SRGAP2: variants seen among roughly 807,000 people sequenced by gnomAD.
SRGAP2 encodes the protein SLIT-ROBO Rho GTPase-activating protein 2.
A neutral mutation model predicts 57.2 loss-of-function variants in SRGAP2; 15 were observed. That is an observed-to-expected ratio of 0.26 (90% CI 0.18 to 0.40). The LOEUF (loss-of-function observed/expected upper bound fraction) is 0.40, where lower values mean the gene tolerates loss of function less well. Ranked by LOEUF, SRGAP2 falls within the 10% of genes least tolerant of loss-of-function variation. The pLI is 1.00. For missense variants in SRGAP2, 520 were observed against 669.6 expected, an observed-to-expected ratio of 0.78 and a Z score of 2.47; for synonymous variants, 249 against 248.0, an observed-to-expected ratio of 1.00 and a Z score of -0.04.
chr1:206,310,875 C>T (rs1672591230), intron 3 of SRGAP2, among the ~76,000 whole-genome samples: 1 of 149,466 alleles, frequency 6.7e-6, no homozygotes, highest in Admixed American at 6.7e-5. Flanking sequence ...TAATAGACCC[C>T]AAGTAATAAT....
chr1:206,315,387 C>T (rs1182480274), intron 3 of SRGAP2, among the ~76,000 whole-genome samples: 9 of 148,412 alleles, frequency 6.1e-5, no homozygotes, highest in Admixed American at 2.7e-4. Flanking sequence ...CAGTGCGTCA[C>T]TCACTCATTT....
At chr1:206,450,327 G>T (rs960782533) in intron 18 of SRGAP2, 59 bp from the exon 19 acceptor site, 105 of 768,134 alleles carry the variant, frequency 1.4e-4, no homozygotes, top group Admixed American at 3.3e-4. Flanking sequence ...GTATGAAGGG[G>T]AAGACAAGAA....
At chr1:206,412,414 T>C (rs1329674357) in intron 10 of SRGAP2, among the ~76,000 whole-genome samples, 1 of 152,242 alleles carries the variant, frequency 6.6e-6, no homozygotes, top group Non-Finnish European at 1.5e-5. Flanking sequence ...AGACTGTGTT[T>C]TAGGAACTTG....
At chr1:206,420,542 A>G (rs1660203223) in intron 12 of SRGAP2, among the ~76,000 whole-genome samples, 2 of 152,106 alleles carry the variant, frequency 1.3e-5, no homozygotes, top group Non-Finnish European at 1.5e-5. Flanking sequence ...ACTAGATTCA[A>G]GGTGTCGTAG....
intron 13 of SRGAP2, among the ~76,000 whole-genome samples, chr1:206,427,680 A>G (rs1199112421): frequency 6.6e-6 from 1 of 152,210 alleles, no homozygotes; most frequent in South Asian, 2.1e-4. Flanking sequence ...CAGAAGCTAC[A>G]CAGACCCATC....
At chr1:206,305,922 G>A (rs1470735154) in intron 3 of SRGAP2, among the ~76,000 whole-genome samples, 1 of 151,726 alleles carries the variant, frequency 6.6e-6, no homozygotes, top group East Asian at 1.9e-4. Flanking sequence ...TTCTCTTTAT[G>A]ATAAGAGAAT....
intron 11 of SRGAP2, among the ~76,000 whole-genome samples, chr1:206,418,728 A>C (rs1255896362): frequency 6.6e-6 from 1 of 152,194 alleles, no homozygotes; most frequent in Non-Finnish European, 1.5e-5. Context: ...ATTGAGAACC[A>C]TGATTTGCTA....
At chr1:206,292,238 G>T (rs1671371108) in intron 2 of SRGAP2, among the ~76,000 whole-genome samples, 1 of 152,148 alleles carries the variant, frequency 6.6e-6, no homozygotes, top group South Asian at 2.1e-4. Context: ...ATCTCCTGTA[G>T]GTCAAAGTTT....
At chr1:206,263,746 A>G (rs565207076) in intron 2 of SRGAP2, among the ~76,000 whole-genome samples, 56 of 152,364 alleles carry the variant, frequency 3.7e-4, no homozygotes, top group Admixed American at 5.2e-4. Context: ...TCTCTTCTCT[A>G]ATGGAGATTA....
At chr1:206,252,323 AAGCAAAAAGATATT>A (rs1460133098) in intron 2 of SRGAP2, among the ~76,000 whole-genome samples, 4 of 151,988 alleles carry the variant, frequency 2.6e-5, no homozygotes, top group Non-Finnish European at 5.9e-5. Context: ...CCTTAGACGC[AAGCAAAAAGATATT>A]AGCGCAGCTT....
At chr1:206,439,942 A>G (rs781871798) in intron 16 of SRGAP2, 34 bp from the exon 17 acceptor site, 6 of 777,388 alleles carry the variant, frequency 7.7e-6, no homozygotes, top group Admixed American at 3.4e-5. Flanking sequence ...TCCCAGTCAT[A>G]GTGGAGGATA....
At chr1:206,415,415 A>G (rs554869067) in intron 10 of SRGAP2, among the ~76,000 whole-genome samples, 9 of 152,354 alleles carry the variant, frequency 5.9e-5, no homozygotes, top group African/African-American at 1.9e-4. Context: ...AAGATGCTCC[A>G]CATCCTGGGC....
At chr1:206,412,961 T>G (rs1230810296) in intron 10 of SRGAP2, among the ~76,000 whole-genome samples, 1 of 152,200 alleles carries the variant, frequency 6.6e-6, no homozygotes, top group African/African-American at 2.4e-5. Flanking sequence ...AGTTCATACC[T>G]TGACACAGTT....
chr1:206,300,959 C>T (rs1671838437), intron 2 of SRGAP2, among the ~76,000 whole-genome samples: 1 of 152,188 alleles, frequency 6.6e-6, no homozygotes, highest in South Asian at 2.1e-4. Flanking sequence ...TACTGCCCAT[C>T]CATATCCCCT....
chr1:206,335,588 A>G (rs1292087464), intron 3 of SRGAP2, among the ~76,000 whole-genome samples: 1 of 152,214 alleles, frequency 6.6e-6, no homozygotes, highest in Non-Finnish European at 1.5e-5. Context: ...TGATCCTGTT[A>G]TTCCTAGAAT....
intron 13 of SRGAP2, 146 bp downstream of exon 13, chr1:206,421,420 A>G: frequency 2.1e-6 from 1 of 487,642 alleles, no homozygotes; most frequent in Non-Finnish European, 3.7e-6. Context: ...AGTATGTTTA[A>G]TATGGTGGCA....
intron 3 of SRGAP2, among the ~76,000 whole-genome samples, chr1:206,306,772 G>C (rs1174768610): frequency 6.6e-6 from 1 of 152,200 alleles, no homozygotes; most frequent in African/African-American, 2.4e-5. Context: ...CACCAGAGCA[G>C]CTAGATACAG....
chr1:206,209,912 A>G (rs1666202634), intron 2 of SRGAP2, among the ~76,000 whole-genome samples: 1 of 110,528 alleles, frequency 9.0e-6, no homozygotes, highest in Admixed American at 8.1e-5. Flanking sequence ...AATTTGTATT[A>G]TTTTAAATTG....
chr1:206,291,725 T>C (rs1367460727), intron 2 of SRGAP2, among the ~76,000 whole-genome samples: 1 of 149,544 alleles, frequency 6.7e-6, no homozygotes, highest in African/African-American at 2.6e-5. Context: ...ATATATAAGA[T>C]GTGTCTGCCT....
Sources: allele counts gnomAD v4.1 joint callset (sites outside exome capture counted in the v4.1 genomes callset), GRCh38; gene constraint gnomAD v4.1.1; transcripts MANE v1.5; gene names NCBI Gene and HGNC (gene_info 2026-07-23, HGNC 2026-07-21).